Variants in TVP23A observed in about 807,000 individuals in gnomAD.
TVP23A encodes Golgi apparatus membrane protein TVP23 homolog A.
TVP23A carries 21 observed loss-of-function variants against 31.7 expected under a neutral mutation model. The observed-to-expected ratio is 0.66, with a 90% CI of 0.47 to 0.95. The LOEUF is 0.95. Ranked by LOEUF, TVP23A falls within the 40% of genes least tolerant of loss-of-function variation. The probability of loss-of-function intolerance (pLI) is 0.00; values close to 1 mark genes in which losing one functional copy is unlikely to be tolerated. For missense variants in TVP23A, 279 were observed against 255.6 expected, an observed-to-expected ratio of 1.09 and a Z score of -0.62; for synonymous variants, 104 against 96.0, an observed-to-expected ratio of 1.08 and a Z score of -0.49.
intron 6 of TVP23A, among the ~76,000 whole-genome samples, chr16:10,770,830 T>C (rs1291559440): frequency 1.5e-5 from 2 of 133,704 alleles, no homozygotes; most frequent in Admixed American, 1.6e-4. Context: ...ACACATGCCA[T>C]TGCACTCCAG....
chr16:10,780,095 A>G (rs537541247), intron 2 of TVP23A, among the ~76,000 whole-genome samples: 3 of 144,928 alleles, frequency 2.1e-5, no homozygotes, highest in African/African-American at 8.3e-5. Context: ...CTCAAAATGA[A>G]TGAATGAATG....
chr16:10,757,955 T>G (rs1309686500), downstream of TVP23A: 11 of 1,613,966 alleles, frequency 6.8e-6, no homozygotes, highest in Non-Finnish European at 9.3e-6. This position sits in a 1 kb window ranked among gnomAD's most constrained non-coding sequence, Gnocchi z 4.1. Context: ...GGACGTCGGA[T>G]GAACACCTCT....
At chr16:10,790,914 T>A (rs2033067236) in intron 2 of TVP23A, among the ~76,000 whole-genome samples, 1 of 152,188 alleles carries the variant, frequency 6.6e-6, no homozygotes, top group Non-Finnish European at 1.5e-5. Flanking sequence ...CAGCTGTGCC[T>A]GGATTCCAAT....
intron 2 of TVP23A, among the ~76,000 whole-genome samples, chr16:10,794,944 G>A (rs142062031): frequency 2.6e-5 from 4 of 151,966 alleles, no homozygotes; most frequent in African/African-American, 4.8e-5. Flanking sequence ...TAACACAGGC[G>A]ACCCGAGGCA....
At chr16:10,795,131 G>A (rs1311339543) in intron 2 of TVP23A, among the ~76,000 whole-genome samples, 1 of 152,090 alleles carries the variant, frequency 6.6e-6, no homozygotes, top group Non-Finnish European at 1.5e-5. Context: ...TTGAGCCCAG[G>A]AGTTTCAGAC....
chr16:10,771,881 C>T (rs1181897320), intron 5 of TVP23A, 83 bp from the exon 6 acceptor site: 40 of 1,500,480 alleles, frequency 2.7e-5, no homozygotes, highest in African/African-American at 1.2e-4. Context: ...TGCAGAGGCA[C>T]GATCTCAGCT....
chr16:10,794,716 G>C (rs545457788), intron 2 of TVP23A, among the ~76,000 whole-genome samples: 1 of 152,218 alleles, frequency 6.6e-6, no homozygotes, highest in African/African-American at 2.4e-5. Flanking sequence ...GCTGAAATCT[G>C]CCCATGCTCT....
At chr16:10,793,372 G>A (rs566311625) in intron 2 of TVP23A, among the ~76,000 whole-genome samples, 9 of 152,224 alleles carry the variant, frequency 5.9e-5, no homozygotes, top group African/African-American at 1.9e-4. Context: ...GGACAAGTTG[G>A]GGGGGTGCCT....
chr16:10,758,901 G>A (rs532211415), downstream of TVP23A, among the ~76,000 whole-genome samples: 1 of 152,332 alleles, frequency 6.6e-6, no homozygotes, highest in Admixed American at 6.5e-5. Flanking sequence ...TGAGAGGAGA[G>A]CGATAGGAAG....
intron 2 of TVP23A, among the ~76,000 whole-genome samples, chr16:10,782,000 T>C (rs1185815964): frequency 1.3e-5 from 2 of 151,746 alleles, no homozygotes; most frequent in Admixed American, 1.3e-4. Flanking sequence ...TAGCTGGGAT[T>C]GCAGGTGCCT....
In TVP23A at chr16:10,818,033, T is replaced by C; in HGVS notation, c.89+70A>G. 2.3e-6 allele frequency: 3 copies of C among 1,318,892 alleles called. No individual in the cohort carries two copies. Among genetic ancestry groups the C allele is most frequent in the African/African-American group, 1.5e-5 (1 of 68,678 alleles). 81.7% of individuals were successfully genotyped at this position (1,318,892 alleles called of 1,614,324 possible). The stretch of plus-strand genomic sequence containing the variant: ...CAGTAGGTGCTCAATATATTTTGAA[T>C]GAATGAGTGAGTAAATGAATGAATT... On this transcript the variant is annotated intron_variant, in intron 2 of 7. Coordinates refer to ENST00000299866, the MANE Select transcript of TVP23A (RefSeq NM_001079512.4). The surrounding 1 kb of genome is among the most constrained non-coding windows in gnomAD (Gnocchi z 4.7).
intron 2 of TVP23A, among the ~76,000 whole-genome samples, chr16:10,810,879 C>T (rs1171799839): frequency 6.6e-6 from 1 of 152,208 alleles, no homozygotes; most frequent in Non-Finnish European, 1.5e-5. Context: ...CCTGGGCCTG[C>T]TGCTTGTGGA....
At chr16:10,782,734 G>A (rs1014437320) in intron 2 of TVP23A, among the ~76,000 whole-genome samples, 2 of 152,072 alleles carry the variant, frequency 1.3e-5, no homozygotes, top group African/African-American at 4.8e-5. Context: ...AAATTCCTGG[G>A]CTCAAGCTGT....
intron 2 of TVP23A, among the ~76,000 whole-genome samples, chr16:10,781,509 TC>T (rs2032420805): frequency 6.6e-6 from 1 of 152,076 alleles, no homozygotes; most frequent in South Asian, 2.1e-4. Context: ...ATTGTCTTCC[TC>T]CCCGGAGGGA....
In TVP23A at chr16:10,774,606, C is replaced by CT. The variant is rs397713093; in HGVS notation, c.234+345dup. On this transcript the variant is annotated intron_variant, in intron 3 of 7. Transcript: ENST00000299866. ...CTCTCACTTGGCTCTCATTCTCTCT[C>CT]TTTTTTTTTTTTTTTTTTTCCGAGA... 4.9e-3 allele frequency among the ~76,000 whole-genome samples: 639 copies of CT among 130,224 alleles called. 5 individuals carry two copies. The highest frequency in any genetic ancestry group is 0.015 in the African/African-American group (506 of 34,858). The allele number at this position is 130,224 out of a possible 152,430, so 85.4% of individuals were successfully genotyped here.
At chr16:10,817,644 G>C (rs1048560563) in intron 2 of TVP23A, among the ~76,000 whole-genome samples, 1 of 152,210 alleles carries the variant, frequency 6.6e-6, no homozygotes, top group African/African-American at 2.4e-5. Flanking sequence ...TCTGGCCTCA[G>C]TGGCTTTCTC....
intron 2 of TVP23A, chr16:10,808,389 G>A (rs990996432): frequency 2.5e-5 from 9 of 358,208 alleles, no homozygotes; most frequent in African/African-American, 4.4e-5. Context: ...TTTACTTCAC[G>A]TGTTTGCCTG....
At chr16:10,793,834 G>T (rs921300152) in intron 2 of TVP23A, among the ~76,000 whole-genome samples, 1 of 138,250 alleles carries the variant, frequency 7.2e-6, no homozygotes, top group African/African-American at 2.8e-5. Flanking sequence ...AGGAGATTGT[G>T]GCTTCAGTGA....
downstream of TVP23A, chr16:10,761,992 C>T: frequency 1.5e-6 from 1 of 669,188 alleles, no homozygotes; most frequent in Non-Finnish European, 2.5e-6. Flanking sequence ...GAGCCAGACC[C>T]ACCCTCCAGC....
Sources: allele counts gnomAD v4.1 joint callset (sites outside exome capture counted in the v4.1 genomes callset), GRCh38; gene constraint gnomAD v4.1.1; non-coding constraint Gnocchi (gnomAD v3.1); transcripts MANE v1.5; gene names NCBI Gene and HGNC (gene_info 2026-07-23, HGNC 2026-07-21).